TNNI3K: variants seen among roughly 807,000 people sequenced by gnomAD.
The protein encoded by TNNI3K is serine/threonine-protein kinase TNNI3K.
A neutral mutation model predicts 114.5 loss-of-function variants in TNNI3K; 140 were observed. The observed-to-expected ratio is 1.22, with a 90% confidence interval of 1.07 to 1.41. The LOEUF (loss-of-function observed/expected upper bound fraction) is 1.41, where lower values mean the gene tolerates loss of function less well. Among genes scored for constraint, TNNI3K ranks in the 40% most tolerant of loss-of-function variants. TNNI3K has a pLI of 0.00. For missense variants in TNNI3K, 1,125 were observed against 1,007.6 expected, an observed-to-expected ratio of 1.12 and a Z score of -1.58; for synonymous variants, 347 against 347.5, an observed-to-expected ratio of 1.00 and a Z score of 0.02.
intron 6 of TNNI3K, among the ~76,000 whole-genome samples, chr1:74,333,902 C>T (rs1180369868): frequency 6.6e-6 from 1 of 152,156 alleles, no homozygotes; most frequent in African/African-American, 2.4e-5. Context: ...GTGGAAATAT[C>T]TGCTTAGGCA....
chr1:74,422,610 G>T (rs1258911576), intron 17 of TNNI3K, among the ~76,000 whole-genome samples: 1 of 152,022 alleles, frequency 6.6e-6, no homozygotes, highest in African/African-American at 2.4e-5. Context: ...TGAGTTTAGG[G>T]CCACTTCAAC....
At chr1:74,282,500 T>A (rs954696343) in intron 5 of TNNI3K, among the ~76,000 whole-genome samples, 1 of 151,824 alleles carries the variant, frequency 6.6e-6, no homozygotes, top group African/African-American at 2.4e-5. Flanking sequence ...TTTTATGAGG[T>A]CACTTGTCAT....
At chr1:74,500,359 T>C (rs1378022486) in intron 23 of TNNI3K, among the ~76,000 whole-genome samples, 2 of 151,746 alleles carry the variant, frequency 1.3e-5, no homozygotes, top group South Asian at 2.1e-4. Context: ...ATTTAAGCCT[T>C]GGGAGGCCGA....
intron 21 of TNNI3K, among the ~76,000 whole-genome samples, chr1:74,485,824 G>C (rs1668729742): frequency 6.6e-6 from 1 of 152,010 alleles, no homozygotes; most frequent in Non-Finnish European, 1.5e-5. Flanking sequence ...GTCATTTCTG[G>C]GCAACAGATG....
At chr1:74,409,298 G>A (rs1214045871) in intron 17 of TNNI3K, among the ~76,000 whole-genome samples, 1 of 152,024 alleles carries the variant, frequency 6.6e-6, no homozygotes. Flanking sequence ...ATGACAAAGA[G>A]CCATCCAAAT....
chr1:74,527,670 T>A (rs1012441678), intron 23 of TNNI3K, among the ~76,000 whole-genome samples: 1 of 152,162 alleles, frequency 6.6e-6, no homozygotes, highest in Non-Finnish European at 1.5e-5. Context: ...TTGATCTACA[T>A]GTGTTGGGCA....
intron 17 of TNNI3K, among the ~76,000 whole-genome samples, chr1:74,397,231 G>A (rs921075099): frequency 6.6e-6 from 1 of 152,014 alleles, no homozygotes; most frequent in African/African-American, 2.4e-5. Flanking sequence ...GAAAATGAGT[G>A]AGAGAAAGAC....
chr1:74,463,492 A>G lies in TNNI3K; in HGVS notation c.2063A>G (p.Tyr688Cys), dbSNP rs375785403. 6.2e-7 allele frequency: 1 copy of G among 1,614,218 alleles called. No homozygotes were observed. Among genetic ancestry groups the G allele is most frequent in the Non-Finnish European group, 8.5e-7 (1 of 1,180,040 alleles). Reference sequence around the variant, plus strand: ...CACCACATCAGACCTCCCATTGGCTATTCCATTCCCAAGCCCATATCATCT... The same window carrying G: ...CACCACATCAGACCTCCCATTGGCTGTTCCATTCCCAAGCCCATATCATCT... Reference protein sequence around the residue: ...AYHHIRPPIGYSIPKPISSLL... With the variant: ...AYHHIRPPIGCSIPKPISSLL... Residue 688 changes from tyrosine to cysteine, a missense_variant, in exon 21 of 25, where the codon TAT becomes TGT. By Grantham distance (194) the Tyr-to-Cys change is radical (BLOSUM62 -2). Transcript: ENST00000326637.
rs68025428 is a variant in TNNI3K at position 74,241,851 on chromosome 1, C to CT, written c.149+5657dup. On this transcript the variant is annotated intron_variant, in intron 2 of 24. Coordinates refer to ENST00000326637, the MANE Select transcript of TNNI3K (RefSeq NM_015978.3). ...GTGTTTTAGACATGAAGTTCTTTTC[C>CT]TTTTTTTTTTTTTTTTCAGACGGAG... 7.4e-4 allele frequency among the ~76,000 whole-genome samples: 95 copies of CT among 128,078 alleles called. 1 individual carries two copies. The highest frequency in any genetic ancestry group is 3.8e-3 in the Middle Eastern group (1 of 260). The allele number at this position is 128,078 out of a possible 152,430, so 84.0% of individuals were successfully genotyped here. A position where few individuals can be genotyped will look rare whatever the true frequency, so the allele number is the denominator to read the frequency against.
At chr1:74,465,914 G>A (rs1414231355) in intron 21 of TNNI3K, among the ~76,000 whole-genome samples, 1 of 152,166 alleles carries the variant, frequency 6.6e-6, no homozygotes, top group East Asian at 1.9e-4. Context: ...TAAAAGCAGG[G>A]TGCCCAAGCC....
intron 5 of TNNI3K, among the ~76,000 whole-genome samples, chr1:74,297,433 T>G (rs538721385): frequency 1.3e-5 from 2 of 152,132 alleles, no homozygotes; most frequent in African/African-American, 4.8e-5. Context: ...AGAGCTTGCT[T>G]CTTCTCTCTC....
chr1:74,306,513 C>A (rs1277541292), intron 5 of TNNI3K, among the ~76,000 whole-genome samples: 1 of 152,082 alleles, frequency 6.6e-6, no homozygotes, highest in Non-Finnish European at 1.5e-5. Flanking sequence ...TAAGTGTTTC[C>A]TTTTCTCTGC....
At chr1:74,402,335 A>T (rs1200741287) in intron 17 of TNNI3K, among the ~76,000 whole-genome samples, 1 of 152,204 alleles carries the variant, frequency 6.6e-6, no homozygotes, top group African/African-American at 2.4e-5. Context: ...GAGAACTATG[A>T]CAAAGCAAGG....
At chr1:74,335,381 T>C (rs1660412667) in intron 6 of TNNI3K, among the ~76,000 whole-genome samples, 1 of 152,206 alleles carries the variant, frequency 6.6e-6, no homozygotes, top group Admixed American at 6.5e-5. Context: ...CAGGCACTAT[T>C]GTTTGCTTAG....
intron 21 of TNNI3K, among the ~76,000 whole-genome samples, chr1:74,479,916 A>C (rs896345957): frequency 6.6e-6 from 1 of 152,268 alleles, no homozygotes; most frequent in Non-Finnish European, 1.5e-5. Context: ...TATTTATACC[A>C]GGGCTGGAGC....
At chr1:74,329,157 G>GTTTTTAAAT (rs1660068684) in intron 5 of TNNI3K, among the ~76,000 whole-genome samples, 1 of 152,042 alleles carries the variant, frequency 6.6e-6, no homozygotes, top group South Asian at 2.1e-4. Context: ...AAGATTTGAT[G>GTTTTTAAAT]TCAAACAGAC....
intron 17 of TNNI3K, among the ~76,000 whole-genome samples, chr1:74,382,640 T>C (rs1663260420): frequency 6.6e-6 from 1 of 152,194 alleles, no homozygotes; most frequent in Non-Finnish European, 1.5e-5. Context: ...CACAGAATGA[T>C]TAGAACTCTT....
intron 5 of TNNI3K, among the ~76,000 whole-genome samples, chr1:74,307,222 G>A (rs950452927): frequency 6.6e-6 from 1 of 152,142 alleles, no homozygotes; most frequent in Non-Finnish European, 1.5e-5. Context: ...CTATACAATT[G>A]AGACTGTAGA....
At chr1:74,428,967 G>T (rs1376508625) in intron 17 of TNNI3K, among the ~76,000 whole-genome samples, 1 of 151,948 alleles carries the variant, frequency 6.6e-6, no homozygotes, top group African/African-American at 2.4e-5. Context: ...GTCGGGTGAG[G>T]CTTTATTTGG....
Sources: gnomAD v4.1 joint callset for allele counts (sites outside exome capture counted in the v4.1 genomes callset) on GRCh38, gnomAD v4.1.1 for gene constraint, MANE v1.5 for transcripts, NCBI Gene and HGNC (gene_info 2026-07-23, HGNC 2026-07-21) for gene names.